The following WNT2 variants were observed in gnomAD, a reference collection of about 807,000 sequenced individuals.
WNT2 encodes Wnt family member 2, also known as protein Wnt-2.
In WNT2, 12 loss-of-function variants were observed where a neutral mutation model predicts 36.9. The observed-to-expected ratio is 0.33, with a 90% CI of 0.21 to 0.53. WNT2 has a LOEUF of 0.53. WNT2 is among the 20% of genes least tolerant of loss of function. The probability of loss-of-function intolerance (pLI) is 0.95; values close to 1 mark genes in which losing one functional copy is unlikely to be tolerated. For synonymous variants in WNT2, 163 were observed against 174.6 expected, an observed-to-expected ratio of 0.93 and a Z score of 0.52; for missense variants, 379 against 473.1, an observed-to-expected ratio of 0.80 and a Z score of 1.84.
At chr7:117,319,529 G>A (rs369456832) in intron 2 of WNT2, among the ~76,000 whole-genome samples, 3 of 147,780 alleles carry the variant, frequency 2.0e-5, no homozygotes, top group African/African-American at 7.5e-5. Context: ...AATTGGGGGG[G>A]GGGGTAGGCA....
At chr7:117,291,947 T>C (rs1234812214) in intron 4 of WNT2, among the ~76,000 whole-genome samples, 1 of 151,994 alleles carries the variant, frequency 6.6e-6, no homozygotes, top group Non-Finnish European at 1.5e-5. Flanking sequence ...CTGGCTAATT[T>C]TGTATTTTTA....
At chr7:117,287,957 C>T (rs1794616711) in intron 4 of WNT2, among the ~76,000 whole-genome samples, 1 of 152,046 alleles carries the variant, frequency 6.6e-6, no homozygotes, top group Non-Finnish European at 1.5e-5. Context: ...CATTGTACTC[C>T]AGCCTAGGTG....
At position 117,276,429 on chromosome 7, in the gene WNT2, A is replaced by G. The variant is rs1393201484; in HGVS notation, c.*1726T>C. Reference sequence around the variant, plus strand: ...TCCACTGTTCCCACCATCCGAATCCATAGAATAAAAGGAGGAAAGAGTCAC... The same window carrying G: ...TCCACTGTTCCCACCATCCGAATCCGTAGAATAAAAGGAGGAAAGAGTCAC... On this transcript the variant is annotated 3_prime_UTR_variant, in exon 5 of 5. Coordinates refer to ENST00000265441, the MANE Select transcript of WNT2 (RefSeq NM_003391.3). 2.0e-5 allele frequency among the ~76,000 whole-genome samples: 3 copies of G among 152,234 alleles called. No individual in the cohort carries two copies. The highest frequency in any genetic ancestry group is 4.4e-5 in the Non-Finnish European group (3 of 68,046).
At chr7:117,289,328 T>A (rs1486875993) in intron 4 of WNT2, among the ~76,000 whole-genome samples, 1 of 152,216 alleles carries the variant, frequency 6.6e-6, no homozygotes, top group South Asian at 2.1e-4. Context: ...AAAGTGCTAG[T>A]ATTACAGGCG....
At chr7:117,288,991 GTC>G in intron 4 of WNT2, among the ~76,000 whole-genome samples, 1 of 150,006 alleles carries the variant, frequency 6.7e-6, no homozygotes, top group Non-Finnish European at 1.5e-5. Context: ...AAAGAACTGA[GTC>G]TCTGCTGCCA....
At chr7:117,320,335 A>G (rs902725193) in intron 2 of WNT2, 6 of 539,962 alleles carry the variant, frequency 1.1e-5, no homozygotes, top group Non-Finnish European at 1.7e-5. Context: ...AAGAGTGAAA[A>G]GACAACAGCC....
At chr7:117,296,363 C>T (rs1379932507) in intron 4 of WNT2, among the ~76,000 whole-genome samples, 1 of 152,144 alleles carries the variant, frequency 6.6e-6, no homozygotes, top group Non-Finnish European at 1.5e-5. Context: ...GCAATTCAAC[C>T]ACTCAGGGGC....
chr7:117,288,722 GA>G (rs1239148481), intron 4 of WNT2, among the ~76,000 whole-genome samples: 2 of 150,386 alleles, frequency 1.3e-5, no homozygotes, highest in East Asian at 1.9e-4. Flanking sequence ...TTTTTTTTTA[GA>G]AAAAAAATCC....
chr7:117,289,590 A>AGATAGATAGATTAGCTG (rs1794648510), intron 4 of WNT2, among the ~76,000 whole-genome samples: 1 of 152,230 alleles, frequency 6.6e-6, no homozygotes, highest in African/African-American at 2.4e-5. Context: ...GCGCTAACAC[A>AGATAGATAGATTAGCTG]CAGAAGAATG....
At chr7:117,318,579 C>T (rs192764729) in intron 2 of WNT2, among the ~76,000 whole-genome samples, 68 of 152,300 alleles carry the variant, frequency 4.5e-4, no homozygotes, top group Non-Finnish European at 7.5e-4. Context: ...GTCCTGTCAC[C>T]CAGGCTGGAG....
chr7:117,303,598 G>C (rs958679338), intron 3 of WNT2, among the ~76,000 whole-genome samples: 1 of 152,196 alleles, frequency 6.6e-6, no homozygotes, highest in African/African-American at 2.4e-5. Flanking sequence ...CTGATGGAGG[G>C]ACTGGAGACA....
At chr7:117,285,346 A>G (rs1332505793) in intron 4 of WNT2, among the ~76,000 whole-genome samples, 1 of 152,206 alleles carries the variant, frequency 6.6e-6, no homozygotes, top group African/African-American at 2.4e-5. Flanking sequence ...GTGTGCCCTC[A>G]AGGTGGTTTT....
At chr7:117,302,287 T>C (rs1270398402) in intron 3 of WNT2, among the ~76,000 whole-genome samples, 1 of 152,206 alleles carries the variant, frequency 6.6e-6, no homozygotes, top group Non-Finnish European at 1.5e-5. Context: ...CAAAAAGGTG[T>C]TCGACTTCAT....
chr7:117,303,123 G>A (rs1469668931), intron 3 of WNT2, among the ~76,000 whole-genome samples: 2 of 152,128 alleles, frequency 1.3e-5, no homozygotes, highest in Non-Finnish European at 1.5e-5. Context: ...GGCCTTGAAG[G>A]TACTTGTGGT....
In WNT2 at chr7:117,322,997, C is replaced by T; in HGVS notation, c.-8G>A. The T allele has an allele frequency of 1.2e-6, 2 of 1,609,600 alleles. No individual in the cohort carries two copies. Among genetic ancestry groups the T allele is most frequent in the South Asian group, 1.1e-5 (1 of 90,782 alleles). On this transcript the variant is annotated 5_prime_UTR_variant, in exon 1 of 5. Coordinates refer to ENST00000265441, the MANE Select transcript of WNT2 (RefSeq NM_003391.3). This position sits in a 1 kb window ranked among gnomAD's most constrained non-coding sequence, Gnocchi z 5.4. Reference sequence around the variant, plus strand: ...ACCGAGAGGGGCGTTCATATTAACCCCCTTGCGTCTGCATCAGGTCAGACT... The same window carrying T: ...ACCGAGAGGGGCGTTCATATTAACCTCCTTGCGTCTGCATCAGGTCAGACT...
rs141694172 is a variant in WNT2 at position 117,299,008 on chromosome 7, A to T, written c.589-1132T>A. Among the ~76,000 whole-genome samples the T allele has an allele frequency of 4.6e-4, 70 of 152,196 alleles. No individual in the cohort carries two copies. In the Middle Eastern group the frequency reaches 0.024, roughly 52 times the overall value. On this transcript the variant is annotated intron_variant, in intron 3 of 4. Coordinates refer to ENST00000265441, the MANE Select transcript of WNT2 (RefSeq NM_003391.3). ...GGGGTACCCACTACATTTGAAATTT[A>T]TCCTCCTCAGCACGAGCCACCCCTG... is the stretch of plus-strand genomic sequence containing the variant.
chr7:117,319,526 G>C lies in WNT2; in HGVS notation c.310+1041C>G, dbSNP rs546973071. 2.1e-3 allele frequency among the ~76,000 whole-genome samples: 309 copies of C among 148,546 alleles called. 4 individuals carry two copies. The highest frequency in any genetic ancestry group is 0.017 in the Middle Eastern group (5 of 290). On this transcript the variant is annotated intron_variant, in intron 2 of 4. Coordinates refer to ENST00000265441, the MANE Select transcript of WNT2 (RefSeq NM_003391.3). ...CTGGATGATTTTCTTAGGAATTGGG[G>C]GGGGGGGTAGGCAAAAACAAGTAAA...
At chr7:117,288,140 A>G (rs1794619455) in intron 4 of WNT2, among the ~76,000 whole-genome samples, 1 of 152,214 alleles carries the variant, frequency 6.6e-6, no homozygotes, top group Admixed American at 6.5e-5. Context: ...TGGTATATGG[A>G]AAACACATAC....
chr7:117,290,284 T>C (rs1486026869), intron 4 of WNT2, among the ~76,000 whole-genome samples: 4 of 152,004 alleles, frequency 2.6e-5, no homozygotes, highest in African/African-American at 9.7e-5. Flanking sequence ...AACTAGCAAC[T>C]GAAATCAGAA....
Sources: gnomAD v4.1 joint callset for allele counts (sites outside exome capture counted in the v4.1 genomes callset) on GRCh38, gnomAD v4.1.1 for gene constraint, Gnocchi (gnomAD v3.1) non-coding constraint, MANE v1.5 for transcripts, NCBI Gene and HGNC (gene_info 2026-07-23, HGNC 2026-07-21) for gene names.